The following NCK1 variants were observed in gnomAD, a reference collection of about 807,000 sequenced individuals.
NCK1 encodes NCK adaptor protein 1.
Under a neutral mutation model 36.6 loss-of-function variants are expected in NCK1, and 19 were observed. That is an observed-to-expected ratio of 0.52 (90% CI 0.36 to 0.76). The LOEUF is 0.76. Among genes scored for constraint, NCK1 ranks in the 30% least tolerant of loss-of-function variants. The pLI, the probability that NCK1 is intolerant of heterozygous loss-of-function variation, is 0.00. For missense variants in NCK1, 358 were observed against 445.6 expected (o/e 0.80, Z 1.77); for synonymous variants, 165 against 156.0 (o/e 1.06, Z -0.43).
At position 136,938,765 on chromosome 3, in the gene NCK1, A is replaced by C. The variant is rs146432580; in HGVS notation, c.227-6818A>C. On this transcript the variant is annotated intron_variant, in intron 2 of 3. Transcript: ENST00000481752. ...AAACACACATAAAACAGGGTTGTGT[A>C]GTGATTGGTTAACAAAAACATGATT... is the stretch of plus-strand genomic sequence containing the variant. Among the ~76,000 whole-genome samples the C allele has an allele frequency of 6.2e-4, 94 of 152,356 alleles. No homozygotes were observed. The East Asian group carries it at 0.016, about 25-fold the overall frequency.
intron 1 of NCK1, among the ~76,000 whole-genome samples, chr3:136,914,007 T>C (rs1434451277): frequency 6.6e-6 from 1 of 152,160 alleles, no homozygotes; most frequent in Non-Finnish European, 1.5e-5. Flanking sequence ...CTTCTGAATG[T>C]CCTAGTCCTT....
At chr3:136,930,186 C>T (rs551488977) in intron 2 of NCK1, among the ~76,000 whole-genome samples, 46 of 151,980 alleles carry the variant, frequency 3.0e-4, no homozygotes, top group African/African-American at 8.9e-4. Flanking sequence ...GGATTTGTTT[C>T]GCAATGGTTG....
chr3:136,864,515 A>G (rs1311331849), intron 1 of NCK1, among the ~76,000 whole-genome samples: 3 of 151,130 alleles, frequency 2.0e-5, no homozygotes, highest in Non-Finnish European at 4.4e-5. Flanking sequence ...ACAGAAACAA[A>G]AAAAACCTAT....
chr3:136,862,609 C>T (rs1174604440), intron 1 of NCK1, among the ~76,000 whole-genome samples: 2 of 152,232 alleles, frequency 1.3e-5, no homozygotes, highest in East Asian at 1.9e-4. Context: ...CTTGTCAGCC[C>T]CTGGAGCGCT....
At chr3:136,915,032 G>A (rs1939923265) in intron 1 of NCK1, among the ~76,000 whole-genome samples, 2 of 152,162 alleles carry the variant, frequency 1.3e-5, no homozygotes, top group Non-Finnish European at 2.9e-5. Context: ...ATGGGTGGAA[G>A]CATACTGAGG....
intron 1 of NCK1, among the ~76,000 whole-genome samples, chr3:136,863,568 T>G (rs1054511605): frequency 6.6e-6 from 1 of 152,236 alleles, no homozygotes; most frequent in African/African-American, 2.4e-5. Flanking sequence ...TAAATGGTGC[T>G]TTCTTTTCAT....
chr3:136,899,476 C>A (rs1325414767), intron 1 of NCK1: 2 of 324,630 alleles, frequency 6.2e-6, no homozygotes, highest in South Asian at 3.9e-5. Context: ...GAGTCTTTGT[C>A]ATTATCCTCA....
In NCK1 at chr3:136,948,740, C is replaced by G. The variant is rs1412503267; in HGVS notation, c.*287C>G. 4.9e-6 allele frequency: 1 copy of G among 203,026 alleles called. No individual in the cohort carries two copies. The highest frequency in any genetic ancestry group is 2.3e-5 in the African/African-American group (1 of 43,244). 12.6% of individuals were successfully genotyped at this position (203,026 alleles called of 1,614,324 possible). ...AGTTTTGTATTTTGTAAACAAAAAT[C>G]AAATAATGCATATCAGAATCTTTAT... is the stretch of plus-strand genomic sequence containing the variant. On this transcript the variant is annotated 3_prime_UTR_variant, in exon 4 of 4. Transcript: ENST00000481752.
At chr3:136,876,439 T>A (rs1576944964) in intron 1 of NCK1, among the ~76,000 whole-genome samples, 1 of 151,734 alleles carries the variant, frequency 6.6e-6, no homozygotes, top group East Asian at 1.9e-4. Flanking sequence ...AAGAATCAAA[T>A]AGACACAATA....
At position 136,921,370 on chromosome 3, in the gene NCK1, A is replaced by G. The variant is rs548619565; in HGVS notation, c.-18-6614A>G. Among the ~76,000 whole-genome samples, 3 of 152,336 alleles carry G rather than the reference A, an allele frequency of 2.0e-5. No homozygotes were observed. The South Asian group carries it at 6.2e-4, about 32-fold the overall frequency. ...GAAGGGTAAAGCAAGAAAAAGTAAGACATAGGATCTAGGAAGCGGAGGAAC... is the reference window on the plus strand; with the variant it reads ...GAAGGGTAAAGCAAGAAAAAGTAAGGCATAGGATCTAGGAAGCGGAGGAAC... On this transcript the variant is annotated intron_variant, in intron 1 of 3. Transcript: ENST00000481752.
chr3:136,880,623 C>A (rs994905359), intron 1 of NCK1, among the ~76,000 whole-genome samples: 2 of 152,260 alleles, frequency 1.3e-5, no homozygotes, highest in East Asian at 1.9e-4. Context: ...AGACAATCAA[C>A]AAACTTTGTT....
intron 1 of NCK1, among the ~76,000 whole-genome samples, chr3:136,873,996 G>C (rs1283118972): frequency 6.6e-6 from 1 of 152,072 alleles, no homozygotes; most frequent in East Asian, 1.9e-4. Context: ...GGCTACTTTT[G>C]CTTAACATTG....
chr3:136,886,317 T>C (rs1939072691), intron 1 of NCK1, among the ~76,000 whole-genome samples: 1 of 152,150 alleles, frequency 6.6e-6, no homozygotes, highest in Non-Finnish European at 1.5e-5. Flanking sequence ...CCATGAGGTG[T>C]TGGTTCCAAG....
chr3:136,869,624 T>C (rs1938548991), intron 1 of NCK1, among the ~76,000 whole-genome samples: 1 of 152,246 alleles, frequency 6.6e-6, no homozygotes, highest in Non-Finnish European at 1.5e-5. Context: ...TCTTCATGTT[T>C]ATTTTTCCTC....
intron 1 of NCK1, among the ~76,000 whole-genome samples, chr3:136,925,383 A>G (rs1412962765): frequency 2.0e-5 from 3 of 152,106 alleles, no homozygotes; most frequent in African/African-American, 7.2e-5. Flanking sequence ...AATTCTGAGA[A>G]ACTTTAGAAC....
At chr3:136,908,219 C>T (rs562875414) in intron 1 of NCK1, among the ~76,000 whole-genome samples, 9 of 152,208 alleles carry the variant, frequency 5.9e-5, no homozygotes, top group South Asian at 4.1e-4. Context: ...GGTCCGCAAC[C>T]GTATCACTTC....
intron 1 of NCK1, among the ~76,000 whole-genome samples, chr3:136,876,779 C>G (rs113286574): frequency 6.6e-6 from 1 of 152,042 alleles, no homozygotes; most frequent in Non-Finnish European, 1.5e-5. Flanking sequence ...TGAGAATTTA[C>G]GAATCAGTGT....
intron 1 of NCK1, among the ~76,000 whole-genome samples, chr3:136,917,412 A>G (rs906511328): frequency 4.6e-5 from 7 of 152,208 alleles, no homozygotes; most frequent in Non-Finnish European, 8.8e-5. Flanking sequence ...CTTGAATCAG[A>G]TCTCAGAGAC....
chr3:136,903,035 C>T (rs1221862447), intron 1 of NCK1, among the ~76,000 whole-genome samples: 2 of 152,164 alleles, frequency 1.3e-5, no homozygotes, highest in Non-Finnish European at 2.9e-5. Context: ...ATTTAATGCT[C>T]ACAGTGGGGT....
Sources: gnomAD v4.1 joint callset for allele counts (sites outside exome capture counted in the v4.1 genomes callset) on GRCh38, gnomAD v4.1.1 for gene constraint, MANE v1.5 for transcripts, NCBI Gene and HGNC (gene_info 2026-07-23, HGNC 2026-07-21) for gene names.